The following KLHDC4 variants were observed in gnomAD, a reference collection of about 807,000 sequenced individuals.
KLHDC4 encodes the protein kelch domain-containing protein 4.
KLHDC4 carries 90 observed loss-of-function variants against 62.4 expected under a neutral mutation model. The observed-to-expected ratio is 1.44, with a 90% CI of 1.22 to 1.72. The LOEUF (loss-of-function observed/expected upper bound fraction) is 1.72, where lower values mean the gene tolerates loss of function less well. Among genes scored for constraint, KLHDC4 ranks in the 40% most tolerant of loss-of-function variants. The pLI is 0.00. For synonymous variants in KLHDC4, 386 were observed against 284.4 expected, an observed-to-expected ratio of 1.36 and a Z score of -3.59; for missense variants, 1,025 against 699.7, an observed-to-expected ratio of 1.47 and a Z score of -5.25.
chr16:87,762,471 C>T (rs1905476059), intron 1 of KLHDC4, among the ~76,000 whole-genome samples: 1 of 152,262 alleles, frequency 6.6e-6, no homozygotes, highest in South Asian at 2.1e-4. Context: ...CCCTCAGCAC[C>T]TCTCAGAGCC....
chr16:87,709,550 C>G lies in KLHDC4; in HGVS notation c.1162G>C (p.Val388Leu). 3 of 1,612,916 alleles carry G rather than the reference C, an allele frequency of 1.9e-6. No homozygotes were observed. Among genetic ancestry groups the G allele is most frequent in the East Asian group, 4.5e-5 (2 of 44,880 alleles). ...TQGPVQLVKE[V>L]VAEDGTVVTI... is the part of the protein sequence containing the mutation. ...ACCACGGTGCCATCCTCGGCCACCA[C>G]CTCCTTGACCAGCTGCACAGGCCCC... The change falls in exon 10 of 12, where the codon GTG (valine) becomes CTG (leucine). Residue 388 changes from valine (V) to leucine (L), a missense_variant. By Grantham distance (32) the Val-to-Leu change is conservative. Transcript: ENST00000270583.
intron 7 of KLHDC4, among the ~76,000 whole-genome samples, chr16:87,721,391 G>A (rs965051721): frequency 1.4e-5 from 2 of 147,696 alleles, no homozygotes; most frequent in African/African-American, 2.5e-5. Flanking sequence ...TCCAGCCTGG[G>A]GGATAGAGCG....
chr16:87,715,063 C>A (rs2036672998), intron 7 of KLHDC4, among the ~76,000 whole-genome samples: 2 of 152,278 alleles, frequency 1.3e-5, no homozygotes, highest in Admixed American at 1.3e-4. Flanking sequence ...GTCCCTTAGC[C>A]CTTAGTCTTC....
chr16:87,736,421 G>C (rs553591758), intron 5 of KLHDC4, among the ~76,000 whole-genome samples: 70 of 152,298 alleles, frequency 4.6e-4, no homozygotes, highest in African/African-American at 1.7e-3. Flanking sequence ...CTGAGCAAAG[G>C]AGCAATTCCT....
chr16:87,706,820 C>T (rs1272103938), downstream of KLHDC4, among the ~76,000 whole-genome samples: 1 of 152,168 alleles, frequency 6.6e-6, no homozygotes, highest in African/African-American at 2.4e-5. Flanking sequence ...CCCAAGGTGA[C>T]CTGGGTTTTC....
chr16:87,765,743 GC>G, intron 1 of KLHDC4, 48 bp downstream of exon 1: 1 of 1,518,238 alleles, frequency 6.6e-7, no homozygotes, highest in Non-Finnish European at 8.9e-7. Context: ...GTCGGCCGAG[GC>G]TGCACGGCCG....
At chr16:87,723,844 T>C (rs532047756) in intron 7 of KLHDC4, among the ~76,000 whole-genome samples, 1 of 152,352 alleles carries the variant, frequency 6.6e-6, no homozygotes, top group African/African-American at 2.4e-5. Context: ...CCTTTTCTTT[T>C]TTCTTTTTTT....
At chr16:87,704,571 G>C (rs180891179), downstream of KLHDC4, among the ~76,000 whole-genome samples, 559 of 148,838 alleles carry the variant, frequency 3.8e-3, 2 homozygotes, top group African/African-American at 0.013. Flanking sequence ...GAGGCGCCTG[G>C]GGAGGGTCCT....
At chr16:87,720,820 C>A (rs1354370921) in intron 7 of KLHDC4, among the ~76,000 whole-genome samples, 1 of 152,268 alleles carries the variant, frequency 6.6e-6, no homozygotes, top group Non-Finnish European at 1.5e-5. Flanking sequence ...ATGTGCCCTG[C>A]CACAGCCGCA....
At chr16:87,702,184 C>G (rs1442444519) in exon 1 of KLHDC4, 4 of 456,346 alleles carry the variant, frequency 8.8e-6, no homozygotes, top group Admixed American at 7.0e-5. Flanking sequence ...GACCACCAAC[C>G]TTGACAACCC....
At chr16:87,705,971 C>G (rs1028252084), downstream of KLHDC4, among the ~76,000 whole-genome samples, 1 of 151,342 alleles carries the variant, frequency 6.6e-6, no homozygotes, top group Non-Finnish European at 1.5e-5. Context: ...CAGCCCTGTG[C>G]GGGGTCGGTG....
intron 4 of KLHDC4, among the ~76,000 whole-genome samples, chr16:87,753,868 C>T (rs1009747543): frequency 4.1e-5 from 6 of 147,106 alleles, no homozygotes; most frequent in Admixed American, 2.7e-4. Flanking sequence ...AGCTACTCAG[C>T]GGGCTGAAGC....
At chr16:87,714,612 T>C (rs770143430) in intron 7 of KLHDC4, 39 bp from the exon 8 acceptor site, 1 of 1,610,076 alleles carries the variant, frequency 6.2e-7, no homozygotes, top group Non-Finnish European at 8.5e-7. Context: ...CGGGGGCAGC[T>C]ACAGTGGTTG....
At chr16:87,738,552 C>T (rs1287304179) in intron 5 of KLHDC4, among the ~76,000 whole-genome samples, 1 of 151,748 alleles carries the variant, frequency 6.6e-6, no homozygotes, top group African/African-American at 2.4e-5. Context: ...ACACCAGCAC[C>T]TCATCCACAC....
exon 1 of KLHDC4, chr16:87,702,126 C>T (rs938185012): frequency 2.2e-6 from 1 of 456,252 alleles, no homozygotes; most frequent in South Asian, 1.5e-5. Context: ...CCCGCATGAT[C>T]GTGTGTGGAA....
At chr16:87,751,373 C>G (rs780034956) in intron 4 of KLHDC4, among the ~76,000 whole-genome samples, 38 of 151,810 alleles carry the variant, frequency 2.5e-4, no homozygotes, top group Non-Finnish European at 4.0e-4. Flanking sequence ...ACTTGGGAGG[C>G]TGAGGCAGGA....
intron 4 of KLHDC4, among the ~76,000 whole-genome samples, chr16:87,753,970 CAAAAAAAAAA>C (rs71230728): frequency 1.6e-5 from 1 of 63,284 alleles, no homozygotes; most frequent in Non-Finnish European, 3.3e-5. Flanking sequence ...GACACCATCT[CAAAAAAAAAA>C]AAAAAAAAAA....
intron 6 of KLHDC4, among the ~76,000 whole-genome samples, chr16:87,728,094 C>G (rs967169756): frequency 1.4e-4 from 22 of 151,990 alleles, no homozygotes; most frequent in African/African-American, 4.8e-4. Flanking sequence ...GGCTGAGGCA[C>G]GAGAATAGTT....
chr16:87,743,262 C>T lies in KLHDC4; in HGVS notation c.506+5411G>A, dbSNP rs376426549. On this transcript the variant is annotated intron_variant, in intron 5 of 11. Coordinates refer to ENST00000270583, the MANE Select transcript of KLHDC4 (RefSeq NM_017566.4). ...CTGGGATTACACACACACCAGCACA[C>T]CTAGCTAACTTCTTTAGAGATGGGG... is the stretch of plus-strand genomic sequence containing the variant. Among the ~76,000 whole-genome samples, 95 of 152,254 alleles carry T rather than the reference C, an allele frequency of 6.2e-4. 1 individual carries two copies. The highest frequency in any genetic ancestry group is 2.2e-3 in the African/African-American group (92 of 41,568).
Sources: allele counts gnomAD v4.1 joint callset (sites outside exome capture counted in the v4.1 genomes callset), GRCh38; gene constraint gnomAD v4.1.1; transcripts MANE v1.5; gene names NCBI Gene and HGNC (gene_info 2026-07-23, HGNC 2026-07-21).